Variants in GTF3C4 observed in about 807,000 individuals in gnomAD.
The protein encoded by GTF3C4 is general transcription factor IIIC subunit 4, also known as general transcription factor 3C polypeptide 4.
GTF3C4 carries 28 observed loss-of-function variants against 67.5 expected under a neutral mutation model. The observed-to-expected ratio is 0.41, with a 90% confidence interval of 0.31 to 0.57. The LOEUF (loss-of-function observed/expected upper bound fraction) is 0.57. GTF3C4 is among the 20% of genes least tolerant of loss of function. GTF3C4 has a pLI of 0.21. For synonymous variants in GTF3C4, 409 were observed against 393.0 expected (o/e 1.04, Z -0.48); for missense variants, 831 against 1,033.2 (o/e 0.80, Z 2.68).
chr9:132,671,651 T>C (rs1835766495), intron 1 of GTF3C4, among the ~76,000 whole-genome samples: 1 of 152,182 alleles, frequency 6.6e-6, no homozygotes, highest in South Asian at 2.1e-4. Context: ...GCGTTCCTTT[T>C]AGTTGCTTAG....
chr9:132,687,935 A>G (rs928083), intron 4 of GTF3C4, among the ~76,000 whole-genome samples: 28,476 of 152,212 alleles, frequency 0.19, 3,371 homozygotes, highest in East Asian at 0.4. Context: ...CTAACTAGGT[A>G]CAGAATATAC....
upstream of GTF3C4, chr9:132,670,167 C>T (rs1025664587): frequency 1.9e-6 from 3 of 1,593,630 alleles, no homozygotes; most frequent in Non-Finnish European, 1.7e-6. Context: ...GCGTCCCTCG[C>T]GGCCTGGCAA....
chr9:132,670,284 G>C (rs1835671399), upstream of GTF3C4: 1 of 1,511,362 alleles, frequency 6.6e-7, no homozygotes, highest in Admixed American at 2.2e-5. Context: ...CGCCCCGTGC[G>C]TTTCCTCAGC....
At chr9:132,687,972 A>G (rs1332298519) in intron 4 of GTF3C4, among the ~76,000 whole-genome samples, 1 of 152,246 alleles carries the variant, frequency 6.6e-6, no homozygotes, top group Non-Finnish European at 1.5e-5. Flanking sequence ...TGAGGGGAAT[A>G]TTCTATTCTC....
In GTF3C4 at chr9:132,693,516, A is replaced by G. The variant is rs1836150763; in HGVS notation, c.*4571A>G. 6.6e-6 allele frequency: 1 copy of G among 152,200 alleles called. No individual in the cohort carries two copies. Among genetic ancestry groups the G allele is most frequent in the East Asian group, 1.9e-4 (1 of 5,200 alleles). 9.4% of individuals were successfully genotyped at this position (152,200 alleles called of 1,614,324 possible). On this transcript the variant is annotated 3_prime_UTR_variant, in exon 5 of 5. Coordinates refer to ENST00000372146, the MANE Select transcript of GTF3C4 (RefSeq NM_012204.4). ...GACGAAAGTGTAAGATTATACTCTC[A>G]TGCTAAAATAAGGTATAGGCTAAGT...
chr9:132,679,326 A>C lies in GTF3C4; in HGVS notation c.1707A>C (p.Gly569=), dbSNP rs1835907931. 1 of 1,614,056 alleles carries C rather than the reference A, an allele frequency of 6.2e-7. No homozygotes were observed. Among genetic ancestry groups the C allele is most frequent in the African/African-American group, 1.3e-5 (1 of 74,940 alleles). ...TGGAAAAAAAGATTGAAAGCAGTGG[A>C]GTCACCTATTTTTGGCGTTTTAAGC... ...EALEKKIESS[G]VTYFWRFKLF... Residue 569 remains glycine, a synonymous_variant, in exon 2 of 5, where the codon GGA becomes GGC. Transcript: ENST00000372146. This position sits in a 1 kb window ranked among gnomAD's most constrained non-coding sequence, Gnocchi z 5.9.
In GTF3C4 at chr9:132,675,895, CTTTTTTTTT is replaced by C. The variant is rs72145516; in HGVS notation, c.358-2069_358-2061del. Among the ~76,000 whole-genome samples, 4 of 89,042 alleles carry C rather than the reference CTTTTTTTTT, an allele frequency of 4.5e-5. No individual in the cohort carries two copies. In the Admixed American group the frequency reaches 4.9e-4, roughly 11 times the overall value. The allele number at this position is 89,042 out of a possible 152,430, so 58.4% of individuals were successfully genotyped here. A position where few individuals can be genotyped will look rare whatever the true frequency, so the allele number is the denominator to read the frequency against. On this transcript the variant is annotated intron_variant, in intron 1 of 4. Transcript: ENST00000372146. ...ATAAGAATAGACTATTCCAGTTACC[CTTTTTTTTT>C]TTTTTTTTTTTTGAGATGGAGTTTT...
chr9:132,670,122 C>G (rs1359627845), upstream of GTF3C4: 1 of 1,580,222 alleles, frequency 6.3e-7, no homozygotes, highest in East Asian at 2.3e-5. Flanking sequence ...GACAAGACTA[C>G]CGCGCGTGCC....
At position 132,679,545 on chromosome 9, in the gene GTF3C4, A is replaced by T. The variant is rs1485723621; in HGVS notation, c.1926A>T (p.Glu642Asp). 6.2e-7 allele frequency: 1 copy of T among 1,614,166 alleles called. No individual in the cohort carries two copies. Among genetic ancestry groups the T allele is most frequent in the Non-Finnish European group, 8.5e-7 (1 of 1,180,026 alleles). Residue 642 changes from glutamate to aspartate, a missense_variant, in exon 2 of 5, where the codon GAA becomes GAT. Around this residue, in one of 4 missense-constraint regions of GTF3C4, gnomAD observed 75 missense variants for 66.4 expected, o/e 1.13. Coordinates refer to ENST00000372146, the MANE Select transcript of GTF3C4 (RefSeq NM_012204.4). This position sits in a 1 kb window ranked among gnomAD's most constrained non-coding sequence, Gnocchi z 5.9. ...AAGGCCTGCAGGAGAGGAGCAAGGA[A>T]GGAGATGTAGAGGAGCCCACTGATG... The part of the protein sequence containing the change: ...VKQGLQERSK[E>D]GDVEEPTDDS...
chr9:132,686,622 A>G (rs141222367), intron 3 of GTF3C4, among the ~76,000 whole-genome samples: 25 of 152,326 alleles, frequency 1.6e-4, no homozygotes, highest in African/African-American at 4.8e-4. Flanking sequence ...CTTGGATGGA[A>G]TTGAACCTGT....
At position 132,679,925 on chromosome 9, in the gene GTF3C4, T is replaced by C. The variant is rs774106123; in HGVS notation, c.2184+122T>C. The C allele has an allele frequency of 3.0e-5, 24 of 808,068 alleles. No individual in the cohort carries two copies. Among genetic ancestry groups the C allele is most frequent in the Non-Finnish European group, 4.5e-5 (23 of 516,826 alleles). 50.1% of individuals were successfully genotyped at this position (808,068 alleles called of 1,614,324 possible). A position where few individuals can be genotyped will look rare whatever the true frequency, so the allele number is the denominator to read the frequency against. ...TTTGACATTTTTTAGGTAATTTATT[T>C]GCTTGAGGTGCAGGGTAATAAATAG... On this transcript the variant is annotated intron_variant, in intron 2 of 4. Coordinates refer to ENST00000372146, the MANE Select transcript of GTF3C4 (RefSeq NM_012204.4). The surrounding 1 kb of genome is among the most constrained non-coding windows in gnomAD (Gnocchi z 5.9).
At chr9:132,684,086 TC>T (rs1437607973) in intron 3 of GTF3C4, among the ~76,000 whole-genome samples, 1 of 152,118 alleles carries the variant, frequency 6.6e-6, no homozygotes, top group Non-Finnish European at 1.5e-5. Context: ...GACACAGCAC[TC>T]CCTGGTTTTT....
intron 1 of GTF3C4, among the ~76,000 whole-genome samples, chr9:132,673,847 G>T (rs927515348): frequency 7.9e-5 from 12 of 152,156 alleles, no homozygotes; most frequent in African/African-American, 2.9e-4. Context: ...ATGATATAAA[G>T]GTGGACAGTA....
intron 3 of GTF3C4, 26 bp downstream of exon 3, chr9:132,683,719 TCTG>T (rs1451750233): frequency 6.3e-7 from 1 of 1,591,982 alleles, no homozygotes. Flanking sequence ...AGTTTCTACT[TCTG>T]CTCATTTTTC....
chr9:132,679,873 A>C lies in GTF3C4; in HGVS notation c.2184+70A>C. 1.4e-6 allele frequency: 2 copies of C among 1,385,256 alleles called. No individual in the cohort carries two copies. Among genetic ancestry groups the C allele is most frequent in the South Asian group, 1.5e-5 (1 of 68,644 alleles). 85.8% of individuals were successfully genotyped at this position (1,385,256 alleles called of 1,614,324 possible). A position where few individuals can be genotyped will look rare whatever the true frequency, so the allele number is the denominator to read the frequency against. On this transcript the variant is annotated intron_variant, in intron 2 of 4. Transcript: ENST00000372146. This position sits in a 1 kb window ranked among gnomAD's most constrained non-coding sequence, Gnocchi z 5.9. Reference sequence around the variant, plus strand: ...TCTTCATGAGAAAGAAATGACCTAAATTGAGTTCCTGAAGCTCAACTTTTG... The same window carrying C: ...TCTTCATGAGAAAGAAATGACCTAACTTGAGTTCCTGAAGCTCAACTTTTG...
chr9:132,687,448 G>A lies in GTF3C4; in HGVS notation c.2404+121G>A. ...TCTTGGTATTGTGTTGTCGGGGGTG[G>A]GGGGTGGGGAGTAGGCCCCTGCTGC... On this transcript the variant is annotated intron_variant, in intron 4 of 4. Transcript: ENST00000372146. 7.8e-6 allele frequency: 3 copies of A among 382,364 alleles called. 1 individual carries two copies. The highest frequency in any genetic ancestry group is 1.6e-5 in the Non-Finnish European group (3 of 190,752). The allele number at this position is 382,364 out of a possible 1,614,324, so 23.7% of individuals were successfully genotyped here.
chr9:132,670,425 C>G (rs1305965480), upstream of GTF3C4: 13 of 985,132 alleles, frequency 1.3e-5, no homozygotes, highest in East Asian at 2.9e-4. Flanking sequence ...TCCTTGGCCA[C>G]CTGGTAGGGC....
At position 132,689,248 on chromosome 9, in the gene GTF3C4, A is replaced by G. The variant is rs1275617427; in HGVS notation, c.*303A>G. 2.4e-5 allele frequency: 8 copies of G among 333,608 alleles called. No homozygotes were observed. Among genetic ancestry groups the G allele is most frequent in the Non-Finnish European group, 4.0e-5 (7 of 173,056 alleles). 20.7% of individuals were successfully genotyped at this position (333,608 alleles called of 1,614,324 possible). The stretch of plus-strand genomic sequence containing the variant: ...ATTTTTAAGTATCTTGACAGAAGCA[A>G]TTTGAACACAGTGTCCCGTCATTTC... On this transcript the variant is annotated 3_prime_UTR_variant, in exon 5 of 5. Coordinates refer to ENST00000372146, the MANE Select transcript of GTF3C4 (RefSeq NM_012204.4).
At chr9:132,675,718 A>C (rs1439274003) in intron 1 of GTF3C4, among the ~76,000 whole-genome samples, 1 of 152,112 alleles carries the variant, frequency 6.6e-6, no homozygotes, top group African/African-American at 2.4e-5. Context: ...TTGGCCATAG[A>C]ACTATTTTTC....
Sources: gnomAD v4.1 joint callset for allele counts (sites outside exome capture counted in the v4.1 genomes callset) on GRCh38, gnomAD v4.1.1 for gene constraint, gnomAD v4.1.1 regional missense constraint, Gnocchi (gnomAD v3.1) non-coding constraint, MANE v1.5 for transcripts, NCBI Gene and HGNC (gene_info 2026-07-23, HGNC 2026-07-21) for gene names.